The following PCCA variants were observed in gnomAD, a reference collection of about 807,000 sequenced individuals.
The protein encoded by PCCA is propionyl-CoA carboxylase subunit alpha.
In PCCA, 74 loss-of-function variants were observed where a neutral mutation model predicts 101.3. The observed-to-expected ratio is 0.73, with a 90% CI of 0.61 to 0.89. PCCA has a LOEUF of 0.89. PCCA is among the 40% of genes least tolerant of loss of function. The pLI is 0.00. For synonymous variants in PCCA, 294 were observed against 313.6 expected, an observed-to-expected ratio of 0.94 and a Z score of 0.66; for missense variants, 891 against 907.0, an observed-to-expected ratio of 0.98 and a Z score of 0.23.
intron 16 of PCCA, among the ~76,000 whole-genome samples, chr13:100,314,872 T>C (rs1242904763): frequency 2.0e-5 from 3 of 152,216 alleles, no homozygotes; most frequent in Non-Finnish European, 2.9e-5. Flanking sequence ...GTTTTTCTTT[T>C]GTAGTAAGGG....
chr13:100,195,815 G>A (rs1034269272), intron 6 of PCCA, among the ~76,000 whole-genome samples: 36 of 152,032 alleles, frequency 2.4e-4, no homozygotes, highest in African/African-American at 6.8e-4. Flanking sequence ...AAGAGAAAAA[G>A]GTTAACAGCC....
chr13:100,393,726 G>A (rs1288365146), intron 19 of PCCA, among the ~76,000 whole-genome samples: 2 of 152,018 alleles, frequency 1.3e-5, no homozygotes, highest in African/African-American at 4.8e-5. Flanking sequence ...CTACTCAAGA[G>A]TCTTAATTGA....
At chr13:100,140,337 G>T (rs1458073209) in intron 4 of PCCA, among the ~76,000 whole-genome samples, 1 of 152,112 alleles carries the variant, frequency 6.6e-6, no homozygotes, top group Non-Finnish European at 1.5e-5. Flanking sequence ...TCATTGTTTT[G>T]GCTCTTGCTG....
chr13:100,331,686 T>A (rs2069599841), intron 17 of PCCA, among the ~76,000 whole-genome samples: 1 of 152,130 alleles, frequency 6.6e-6, no homozygotes, highest in African/African-American at 2.4e-5. Flanking sequence ...AAACTAATGA[T>A]TTATTAGGTT....
chr13:100,521,262 G>A (rs1044107482), intron 22 of PCCA, among the ~76,000 whole-genome samples: 1 of 152,184 alleles, frequency 6.6e-6, no homozygotes, highest in African/African-American at 2.4e-5. Context: ...CCAGTTCTGG[G>A]GAGCCCCACT....
At chr13:100,284,998 A>G (rs2064482164) in intron 12 of PCCA, among the ~76,000 whole-genome samples, 1 of 152,232 alleles carries the variant, frequency 6.6e-6, no homozygotes, top group South Asian at 2.1e-4. Flanking sequence ...TTTCTAGCTG[A>G]TCAAGGGTAC....
At chr13:100,491,508 A>C in intron 21 of PCCA, 1 of 389,444 alleles carries the variant, frequency 2.6e-6, no homozygotes, top group Non-Finnish European at 4.7e-6. Context: ...ACCAAAAAAG[A>C]AGAAAATAGA....
chr13:100,447,111 C>T (rs1245650168), intron 20 of PCCA, among the ~76,000 whole-genome samples: 8 of 152,112 alleles, frequency 5.3e-5, no homozygotes, highest in East Asian at 1.9e-4. Context: ...GTTGGCTGGG[C>T]GCAGTGGCTC....
chr13:100,181,456 C>T (rs1179389102), intron 6 of PCCA, among the ~76,000 whole-genome samples: 1 of 152,146 alleles, frequency 6.6e-6, no homozygotes, highest in Non-Finnish European at 1.5e-5. Flanking sequence ...GCTCTGCCGC[C>T]TAGCCGGCCA....
chr13:100,201,366 C>A (rs889666424), intron 6 of PCCA, among the ~76,000 whole-genome samples: 3 of 152,068 alleles, frequency 2.0e-5, no homozygotes, highest in African/African-American at 7.2e-5. Flanking sequence ...GCTTTGTAGG[C>A]CCTATGATCT....
intron 21 of PCCA, among the ~76,000 whole-genome samples, chr13:100,463,537 A>G (rs1376190363): frequency 2.6e-5 from 4 of 152,130 alleles, no homozygotes; most frequent in Non-Finnish European, 5.9e-5. Flanking sequence ...TGTACCAGAG[A>G]AAAGGTGGAC....
intron 6 of PCCA, among the ~76,000 whole-genome samples, chr13:100,179,015 T>TA (rs1210479316): frequency 6.7e-6 from 1 of 150,006 alleles, no homozygotes; most frequent in Non-Finnish European, 1.5e-5. Flanking sequence ...AGGTGGAGCT[T>TA]GCAGTGAGCC....
intron 12 of PCCA, among the ~76,000 whole-genome samples, chr13:100,287,588 A>G (rs1217415867): frequency 6.6e-6 from 1 of 152,150 alleles, no homozygotes; most frequent in Non-Finnish European, 1.5e-5. Context: ...GGAAATTGGC[A>G]TACTTATATT....
At chr13:100,410,143 G>A (rs2077944037) in intron 19 of PCCA, among the ~76,000 whole-genome samples, 2 of 152,200 alleles carry the variant, frequency 1.3e-5, no homozygotes, top group Non-Finnish European at 2.9e-5. Context: ...TATGGACTGG[G>A]ATTCTTTGGT....
intron 12 of PCCA, among the ~76,000 whole-genome samples, chr13:100,282,577 G>A (rs983507809): frequency 3.9e-5 from 6 of 152,198 alleles, no homozygotes; most frequent in African/African-American, 9.6e-5. Flanking sequence ...CCGGGCCAGC[G>A]GCTGTGGAGG....
chr13:100,254,288 G>A (rs759536600), intron 8 of PCCA, among the ~76,000 whole-genome samples: 1 of 152,162 alleles, frequency 6.6e-6, no homozygotes, highest in East Asian at 1.9e-4. Context: ...TGAGATTTGG[G>A]TGGGGACACA....
At chr13:100,430,092 G>A (rs1345571872) in intron 20 of PCCA, among the ~76,000 whole-genome samples, 1 of 151,710 alleles carries the variant, frequency 6.6e-6, no homozygotes, top group Admixed American at 6.6e-5. Context: ...CCTGACCAAC[G>A]TGGAGAAACC....
chr13:100,091,006 T>C (rs1231558059), intron 1 of PCCA, among the ~76,000 whole-genome samples: 2 of 152,184 alleles, frequency 1.3e-5, no homozygotes, highest in African/African-American at 4.8e-5. Context: ...ATGAATGTTA[T>C]AGGTGAGAGA....
At chr13:100,377,423 T>A (rs1420596063) in intron 19 of PCCA, among the ~76,000 whole-genome samples, 1 of 152,012 alleles carries the variant, frequency 6.6e-6, no homozygotes, top group Non-Finnish European at 1.5e-5. Context: ...AAGGGTGAAG[T>A]GTGTTTCTTG....
Sources: allele counts gnomAD v4.1 joint callset (sites outside exome capture counted in the v4.1 genomes callset), GRCh38; gene constraint gnomAD v4.1.1; transcripts MANE v1.5; gene names NCBI Gene and HGNC (gene_info 2026-07-23, HGNC 2026-07-21).